SLC15A5: variants seen among roughly 807,000 people sequenced by gnomAD.
SLC15A5 encodes the protein solute carrier family 15 member 5.
Under a neutral mutation model 56.1 loss-of-function variants are expected in SLC15A5, and 58 were observed. The ratio of observed to expected loss-of-function variants is 1.03; its 90% CI spans 0.84 to 1.29. The LOEUF (loss-of-function observed/expected upper bound fraction) is 1.29. SLC15A5 is among the 50% of genes most tolerant of loss of function. SLC15A5 has a pLI of 0.00. For synonymous variants in SLC15A5, 264 were observed against 250.5 expected (o/e 1.05, Z -0.51); for missense variants, 681 against 672.1 (o/e 1.01, Z -0.15).
Position 16,196,813 on chromosome 12 carries a change from T to G in SLC15A5, c.1484-2360A>C, listed in dbSNP as rs557060606. Among the ~76,000 whole-genome samples the G allele has an allele frequency of 2.2e-4, 33 of 152,204 alleles. No homozygotes were observed. The highest frequency in any genetic ancestry group is 7.5e-4 in the African/African-American group (31 of 41,542). Reference sequence around the variant, plus strand: ...ATGAGGAAGAAGAATATAAATTCACTAAGATCTTTAAAGGTAAAACATAAT... The same window carrying G: ...ATGAGGAAGAAGAATATAAATTCACGAAGATCTTTAAAGGTAAAACATAAT... On this transcript the variant is annotated intron_variant, in intron 7 of 8. Coordinates refer to ENST00000344941, the MANE Select transcript of SLC15A5 (RefSeq NM_001170798.1). This position sits in a 1 kb window ranked among gnomAD's most constrained non-coding sequence, Gnocchi z 4.0.
chr12:16,264,862 G>A (rs886655550), intron 2 of SLC15A5, among the ~76,000 whole-genome samples: 2 of 152,176 alleles, frequency 1.3e-5, no homozygotes, highest in African/African-American at 2.4e-5. Context: ...CCAGCCACAT[G>A]GAACTGTAAG....
At chr12:16,217,180 T>C (rs1025398660) in intron 6 of SLC15A5, among the ~76,000 whole-genome samples, 156 bp from the exon 7 acceptor site, 1 of 152,194 alleles carries the variant, frequency 6.6e-6, no homozygotes, top group Admixed American at 6.5e-5. Context: ...TAAGATATAC[T>C]GTGTTACAAT....
At chr12:16,205,097 AG>A (rs1328401221) in intron 7 of SLC15A5, among the ~76,000 whole-genome samples, 2 of 152,158 alleles carry the variant, frequency 1.3e-5, no homozygotes, top group African/African-American at 4.8e-5. Context: ...GAAGACCAAA[AG>A]AAAAATAGGC....
At chr12:16,226,656 AAG>A (rs1291455772) in intron 5 of SLC15A5, among the ~76,000 whole-genome samples, 9 of 152,214 alleles carry the variant, frequency 5.9e-5, no homozygotes, top group African/African-American at 2.2e-4. Flanking sequence ...AAATTTCTTA[AAG>A]AGATAAATTA....
At chr12:16,205,078 CT>C (rs1191850357) in intron 7 of SLC15A5, among the ~76,000 whole-genome samples, 1 of 151,902 alleles carries the variant, frequency 6.6e-6, no homozygotes, top group Non-Finnish European at 1.5e-5. Context: ...CATATATAAA[CT>C]GACAAAAGAA....
At position 16,237,003 on chromosome 12, in the gene SLC15A5, A is replaced by T. The variant is rs1864358361; in HGVS notation, c.1162+2678T>A. On this transcript the variant is annotated intron_variant, in intron 5 of 8. Coordinates refer to ENST00000344941, the MANE Select transcript of SLC15A5 (RefSeq NM_001170798.1). This position sits in a 1 kb window ranked among gnomAD's most constrained non-coding sequence, Gnocchi z 4.1. ...ACCCTGATCTATTAAATGATGGTTT[A>T]TCATGAGATTAAATGTAATATGTGT... Among the ~76,000 whole-genome samples, 1 of 152,350 alleles carries T rather than the reference A, an allele frequency of 6.6e-6. No individual in the cohort carries two copies. Among genetic ancestry groups the T allele is most frequent in the East Asian group, 1.9e-4 (1 of 5,190 alleles).
chr12:16,261,625 A>G (rs1434939147), intron 2 of SLC15A5, among the ~76,000 whole-genome samples: 1 of 152,210 alleles, frequency 6.6e-6, no homozygotes, highest in Non-Finnish European at 1.5e-5. Context: ...TGATAGATGT[A>G]TATTTAATAT....
chr12:16,244,473 C>T (rs903589639), intron 4 of SLC15A5, 107 bp downstream of exon 4: 29 of 993,688 alleles, frequency 2.9e-5, no homozygotes, highest in South Asian at 3.1e-5. Context: ...AACTGCCTGC[C>T]GACATATATG....
chr12:16,230,189 T>C (rs911699098), intron 5 of SLC15A5, among the ~76,000 whole-genome samples: 1 of 152,196 alleles, frequency 6.6e-6, no homozygotes, highest in Non-Finnish European at 1.5e-5. Flanking sequence ...ACGGAGAATA[T>C]TGACAAATAG....
At chr12:16,194,967 T>TA (rs1271951953) in intron 7 of SLC15A5, among the ~76,000 whole-genome samples, 1 of 152,084 alleles carries the variant, frequency 6.6e-6, no homozygotes, top group African/African-American at 2.4e-5. Flanking sequence ...AGGGCTACCT[T>TA]ATGATAATAT....
intron 1 of SLC15A5, among the ~76,000 whole-genome samples, chr12:16,276,437 A>C (rs1483118443): frequency 6.6e-6 from 1 of 151,952 alleles, no homozygotes; most frequent in Admixed American, 6.6e-5. Flanking sequence ...TCACATTTGT[A>C]CCTTTATTTA....
chr12:16,274,967 T>C (rs1864800788), intron 1 of SLC15A5, among the ~76,000 whole-genome samples: 1 of 152,102 alleles, frequency 6.6e-6, no homozygotes, highest in Non-Finnish European at 1.5e-5. Context: ...TGCAATTGTG[T>C]ATCTCATCAT....
chr12:16,274,824 C>T (rs1276792397), intron 1 of SLC15A5, among the ~76,000 whole-genome samples: 1 of 152,084 alleles, frequency 6.6e-6, no homozygotes, highest in Non-Finnish European at 1.5e-5. Flanking sequence ...AGGCACTTTA[C>T]TTCCATCTTT....
At chr12:16,245,325 A>G (rs968696673) in intron 3 of SLC15A5, among the ~76,000 whole-genome samples, 10 of 152,190 alleles carry the variant, frequency 6.6e-5, no homozygotes, top group African/African-American at 2.4e-4. Flanking sequence ...AGGTTAGACT[A>G]TGAACTCTCT....
chr12:16,219,797 A>G (rs756590859), intron 6 of SLC15A5, among the ~76,000 whole-genome samples: 3 of 152,088 alleles, frequency 2.0e-5, no homozygotes, highest in Non-Finnish European at 2.9e-5. Context: ...GCCCATTACA[A>G]TGTAGATAAT....
At chr12:16,250,870 T>G (rs1257719313) in intron 3 of SLC15A5, among the ~76,000 whole-genome samples, 2 of 151,858 alleles carry the variant, frequency 1.3e-5, no homozygotes. Flanking sequence ...GGGAGAATAT[T>G]GAAGAATTTT....
At chr12:16,215,510 A>G (rs1284756055) in intron 7 of SLC15A5, among the ~76,000 whole-genome samples, 1 of 152,208 alleles carries the variant, frequency 6.6e-6, no homozygotes, top group East Asian at 1.9e-4. Flanking sequence ...AGACTTCTCA[A>G]GGTTATCTTA....
rs1864831953 is a variant in SLC15A5 at position 16,277,464 on chromosome 12, A to G, written c.222T>C (p.Tyr74=). The G allele has an allele frequency of 6.5e-7, 1 of 1,536,576 alleles. No homozygotes were observed. Among genetic ancestry groups the G allele is most frequent in the Non-Finnish European group, 8.7e-7 (1 of 1,146,454 alleles). ...MIPFCTIKLG[Y]HNCQAAILNL... ...TTAAGATGGCTGCTTGGCAATTGTGATAGCCAAGCTTGATAGTGCAAAAGG... is the reference window on the plus strand; with the variant it reads ...TTAAGATGGCTGCTTGGCAATTGTGGTAGCCAAGCTTGATAGTGCAAAAGG... Residue 74 remains tyrosine, a synonymous_variant, in exon 1 of 9, where the codon TAT becomes TAC. Transcript: ENST00000344941.
At chr12:16,207,337 T>G (rs1229559849) in intron 7 of SLC15A5, among the ~76,000 whole-genome samples, 2 of 152,218 alleles carry the variant, frequency 1.3e-5, no homozygotes, top group East Asian at 3.8e-4. Flanking sequence ...ATTTGTACAG[T>G]CTGTTCTTCA....
Sources: gnomAD v4.1 joint callset for allele counts (sites outside exome capture counted in the v4.1 genomes callset) on GRCh38, gnomAD v4.1.1 for gene constraint, Gnocchi (gnomAD v3.1) non-coding constraint, MANE v1.5 for transcripts, NCBI Gene and HGNC (gene_info 2026-07-23, HGNC 2026-07-21) for gene names.